PYGB: variants seen among roughly 807,000 people sequenced by gnomAD.
The protein encoded by PYGB is glycogen phosphorylase B.
In PYGB, 82 loss-of-function variants were observed where a neutral mutation model predicts 94.3. The observed-to-expected ratio is 0.87, with a 90% CI of 0.73 to 1.04. The LOEUF (loss-of-function observed/expected upper bound fraction) is 1.04, where lower values mean the gene tolerates loss of function less well. Ranked by LOEUF, PYGB falls within the 50% of genes least tolerant of loss-of-function variation. PYGB has a pLI of 0.00. For missense variants in PYGB, 1,132 were observed against 1,158.2 expected (o/e 0.98, Z 0.33); for synonymous variants, 488 against 479.1 (o/e 1.02, Z -0.24).
In PYGB at chr20:25,271,570, C is replaced by G. The variant is rs916388834; in HGVS notation, c.528+84C>G. On this transcript the variant is annotated intron_variant, in intron 4 of 19. Transcript: ENST00000216962. Reference sequence around the variant, plus strand: ...AGCACTTGCAGTTTGTCTTTTTATACTTCCCACGCCCCCGCCAGGGGACTG... The same window carrying G: ...AGCACTTGCAGTTTGTCTTTTTATAGTTCCCACGCCCCCGCCAGGGGACTG... 124 of 1,426,396 alleles carry G rather than the reference C, an allele frequency of 8.7e-5. 1 individual carries two copies. Among genetic ancestry groups the G allele is most frequent in the Admixed American group, 1.5e-4 (9 of 59,006 alleles). The allele number at this position is 1,426,396 out of a possible 1,614,324, so 88.4% of individuals were successfully genotyped here.
intron 15 of PYGB, 87 bp from the exon 16 acceptor site, chr20:25,290,394 C>A (rs1360514830): frequency 2.0e-6 from 3 of 1,515,654 alleles, no homozygotes; most frequent in Non-Finnish European, 2.7e-6. Context: ...CTAGCCTCAC[C>A]CCCCTACAGA....
Position 25,296,562 on chromosome 20 carries a change from C to A in PYGB, c.*40C>A, listed in dbSNP as rs770926149. 1.9e-6 allele frequency: 3 copies of A among 1,581,352 alleles called. No individual in the cohort carries two copies. Among genetic ancestry groups the A allele is most frequent in the Non-Finnish European group, 2.6e-6 (3 of 1,164,302 alleles). On this transcript the variant is annotated 3_prime_UTR_variant, in exon 20 of 20. Transcript: ENST00000216962. The stretch of plus-strand genomic sequence containing the variant: ...GGCGGGACCAGCGGGCATTTGTTTT[C>A]TTGCTGACTTTGCACCTCCTTTTTT...
At chr20:25,278,187 C>T in intron 7 of PYGB, 132 bp from the exon 8 acceptor site, 2 of 1,076,304 alleles carry the variant, frequency 1.9e-6, no homozygotes, top group Non-Finnish European at 2.6e-6. Flanking sequence ...CAGGCAGGCC[C>T]CAGTGTCAGG....
intron 2 of PYGB, among the ~76,000 whole-genome samples, chr20:25,262,040 G>A (rs2092914742): frequency 6.6e-6 from 1 of 152,194 alleles, no homozygotes; most frequent in African/African-American, 2.4e-5. Context: ...ATGGCACCAA[G>A]TTGGAAAACA....
At chr20:25,252,566 C>T (rs946400026) in intron 1 of PYGB, among the ~76,000 whole-genome samples, 2 of 152,242 alleles carry the variant, frequency 1.3e-5, no homozygotes, top group African/African-American at 4.8e-5. Context: ...TGATGATTTG[C>T]CAGAATGGCT....
intron 2 of PYGB, among the ~76,000 whole-genome samples, chr20:25,265,987 A>G (rs568986217): frequency 7.7e-4 from 117 of 152,154 alleles, no homozygotes; most frequent in Non-Finnish European, 1.4e-3. Flanking sequence ...CTCCCATTCT[A>G]TGGCTTGTCT....
intron 3 of PYGB, 110 bp downstream of exon 3, chr20:25,269,317 T>C: frequency 1.3e-6 from 1 of 770,042 alleles, no homozygotes; most frequent in South Asian, 1.8e-5. Context: ...TGGCTTTGAG[T>C]GGATGGGCCA....
At chr20:25,286,574 CG>C (rs1189919979) in intron 14 of PYGB, among the ~76,000 whole-genome samples, 1 of 152,106 alleles carries the variant, frequency 6.6e-6, no homozygotes, top group Non-Finnish European at 1.5e-5. Flanking sequence ...TGGGGCTATT[CG>C]GAATAGGCTT....
intron 3 of PYGB, 31 bp downstream of exon 3, chr20:25,269,238 C>T (rs199631141): frequency 2.6e-5 from 39 of 1,518,628 alleles, no homozygotes; most frequent in African/African-American, 2.4e-4. Context: ...GGAGCTCTCT[C>T]GGACCCGTTG....
chr20:25,255,325 G>A (rs561140659), intron 1 of PYGB, among the ~76,000 whole-genome samples: 52 of 152,336 alleles, frequency 3.4e-4, no homozygotes, highest in Non-Finnish European at 6.3e-4. Flanking sequence ...GGTTCCCCTG[G>A]ATGGTATCTG....
At chr20:25,260,107 C>G (rs1381425870) in intron 2 of PYGB, among the ~76,000 whole-genome samples, 1 of 152,136 alleles carries the variant, frequency 6.6e-6, no homozygotes, top group African/African-American at 2.4e-5. Flanking sequence ...GCTCCGTCTC[C>G]CCCTGCAGGA....
At chr20:25,291,517 C>T (rs1568699072) in intron 16 of PYGB, among the ~76,000 whole-genome samples, 1 of 152,220 alleles carries the variant, frequency 6.6e-6, no homozygotes, top group Non-Finnish European at 1.5e-5. Flanking sequence ...TGGCTGCTGC[C>T]TTGGTGTCCA....
At chr20:25,248,686 T>TGATTCAGCCCGGGAGCCTGGCGGAC (rs2092878452) in intron 1 of PYGB, among the ~76,000 whole-genome samples, 1 of 152,028 alleles carries the variant, frequency 6.6e-6, no homozygotes, top group African/African-American at 2.4e-5. Context: ...CAGATGATGC[T>TGATTCAGCCCGGGAGCCTGGCGGAC]GAGCCCGGGA....
intron 1 of PYGB, among the ~76,000 whole-genome samples, 199 bp downstream of exon 1, chr20:25,248,620 C>G (rs1430971591): frequency 6.6e-6 from 1 of 151,926 alleles, no homozygotes; most frequent in Non-Finnish European, 1.5e-5. Flanking sequence ...CGCAGGGCCG[C>G]GGCCACGGGT....
At chr20:25,256,081 T>C (rs1343543914) in intron 1 of PYGB, among the ~76,000 whole-genome samples, 1 of 152,194 alleles carries the variant, frequency 6.6e-6, no homozygotes, top group East Asian at 1.9e-4. Context: ...TCTTTCTTTT[T>C]CCACCAGAGT....
At chr20:25,259,785 C>G (rs1030909635) in intron 2 of PYGB, among the ~76,000 whole-genome samples, 1 of 152,170 alleles carries the variant, frequency 6.6e-6, no homozygotes, top group Admixed American at 6.5e-5. Context: ...AAAACAAAAC[C>G]TGCCTTTTCT....
chr20:25,288,242 T>TGGTGGGTGGGCA, intron 14 of PYGB, 183 bp from the exon 15 acceptor site: 1 of 733,626 alleles, frequency 1.4e-6, no homozygotes, highest in African/African-American at 1.7e-5. Context: ...GGCAGGTTCC[T>TGGTGGGTGGGCA]GGTGGGTGGG....
intron 1 of PYGB, among the ~76,000 whole-genome samples, chr20:25,254,356 A>G (rs1192698254): frequency 6.6e-6 from 1 of 152,194 alleles, no homozygotes; most frequent in Non-Finnish European, 1.5e-5. Context: ...TTTTATTATT[A>G]TTATTATTAA....
At chr20:25,276,885 T>C in intron 6 of PYGB, 128 bp downstream of exon 6, 2 of 798,214 alleles carry the variant, frequency 2.5e-6, no homozygotes, top group Non-Finnish European at 4.0e-6. Context: ...CTCTAGGGTG[T>C]CCCTGCGTCC....
Sources: gnomAD v4.1 joint callset for allele counts (sites outside exome capture counted in the v4.1 genomes callset) on GRCh38, gnomAD v4.1.1 for gene constraint, MANE v1.5 for transcripts, NCBI Gene and HGNC (gene_info 2026-07-23, HGNC 2026-07-21) for gene names.